PDE4D: variants seen among roughly 807,000 people sequenced by gnomAD.
PDE4D encodes 3',5'-cyclic-AMP phosphodiesterase 4D.
Under a neutral mutation model 87.4 loss-of-function variants are expected in PDE4D, and 24 were observed. The observed-to-expected ratio is 0.27, with a 90% CI of 0.20 to 0.39. The LOEUF (loss-of-function observed/expected upper bound fraction) is 0.39. PDE4D is among the 10% of genes least tolerant of loss of function. The pLI is 1.00. For missense variants in PDE4D, 714 were observed against 1,041.0 expected (o/e 0.69, Z 4.32); for synonymous variants, 384 against 383.2 (o/e 1.00, Z -0.02).
At chr5:60,454,540 A>G (rs1746327532) in intron 1 of PDE4D, among the ~76,000 whole-genome samples, 1 of 152,166 alleles carries the variant, frequency 6.6e-6, no homozygotes, top group South Asian at 2.1e-4. Context: ...TCAGCAAACT[A>G]ACACAGGAAC....
chr5:59,018,817 G>A (rs1754535610), intron 6 of PDE4D, among the ~76,000 whole-genome samples: 2 of 151,968 alleles, frequency 1.3e-5, no homozygotes, highest in Non-Finnish European at 2.9e-5. Context: ...GTACTCTCCT[G>A]GAATTACTTC....
intron 1 of PDE4D, among the ~76,000 whole-genome samples, chr5:60,207,584 T>C (rs1043007122): frequency 1.3e-5 from 2 of 152,238 alleles, no homozygotes; most frequent in Non-Finnish European, 2.9e-5. Context: ...AGAATTTCAG[T>C]TCAAATAGGA....
chr5:59,516,305 AT>A (rs908274779), intron 1 of PDE4D, among the ~76,000 whole-genome samples: 46 of 151,898 alleles, frequency 3.0e-4, no homozygotes, highest in Non-Finnish European at 5.9e-4. Context: ...CTTTCTCTGG[AT>A]TTTTTTTCCC....
chr5:59,624,620 C>T (rs1830693419), intron 1 of PDE4D, among the ~76,000 whole-genome samples: 1 of 152,194 alleles, frequency 6.6e-6, no homozygotes, highest in African/African-American at 2.4e-5. Flanking sequence ...TGGCCTCTGC[C>T]TTGTTATCCA....
At chr5:59,584,295 G>A (rs1398975024) in intron 1 of PDE4D, among the ~76,000 whole-genome samples, 1 of 152,124 alleles carries the variant, frequency 6.6e-6, no homozygotes, top group Non-Finnish European at 1.5e-5. Context: ...TAGGTCACCT[G>A]GAAAAAAACC....
chr5:59,062,217 A>T (rs1184079136), intron 5 of PDE4D, among the ~76,000 whole-genome samples: 1 of 152,162 alleles, frequency 6.6e-6, no homozygotes, highest in Non-Finnish European at 1.5e-5. Flanking sequence ...TAAGACATAT[A>T]ACCAAACATA....
At chr5:60,316,364 A>G (rs1302620565) in intron 1 of PDE4D, among the ~76,000 whole-genome samples, 1 of 152,162 alleles carries the variant, frequency 6.6e-6, no homozygotes, top group African/African-American at 2.4e-5. Flanking sequence ...GAAGTTGCCT[A>G]TCAGCTTAAG....
At chr5:60,376,819 G>A (rs141308823) in intron 1 of PDE4D, among the ~76,000 whole-genome samples, 3 of 152,212 alleles carry the variant, frequency 2.0e-5, no homozygotes, top group Non-Finnish European at 2.9e-5. Context: ...TTTCTCTTCC[G>A]CCTCTTTGTT....
At chr5:60,025,562 A>G (rs1766538127) in intron 2 of PDE4D, among the ~76,000 whole-genome samples, 1 of 152,142 alleles carries the variant, frequency 6.6e-6, no homozygotes, top group Admixed American at 6.5e-5. Flanking sequence ...AGAAAATTTT[A>G]CAATATACCA....
At chr5:59,491,191 A>AACATCTCATT (rs2153660264) in intron 1 of PDE4D, among the ~76,000 whole-genome samples, 1 of 152,306 alleles carries the variant, frequency 6.6e-6, no homozygotes, top group African/African-American at 2.4e-5. Context: ...CTATGTTTAA[A>AACATCTCATT]ACATCTCATT....
chr5:59,198,376 A>G (rs925041011), intron 2 of PDE4D, among the ~76,000 whole-genome samples: 5 of 151,744 alleles, frequency 3.3e-5, no homozygotes, highest in African/African-American at 1.2e-4. Flanking sequence ...TGTATGTGAG[A>G]GATGAGATTG....
chr5:59,578,196 G>A (rs1171047009), intron 1 of PDE4D, among the ~76,000 whole-genome samples: 1 of 152,092 alleles, frequency 6.6e-6, no homozygotes, highest in Non-Finnish European at 1.5e-5. Flanking sequence ...ACATCTTAAA[G>A]CTTCTGTTTG....
intron 1 of PDE4D, among the ~76,000 whole-genome samples, chr5:59,477,735 A>G (rs1803543772): frequency 6.6e-6 from 1 of 152,110 alleles, no homozygotes; most frequent in African/African-American, 2.4e-5. Flanking sequence ...TCCACCAAAA[A>G]GACACATGCA....
intron 1 of PDE4D, chr5:59,430,369 C>G (rs533126739): frequency 8.1e-7 from 1 of 1,231,382 alleles, no homozygotes; most frequent in African/African-American, 1.6e-5. Context: ...GCTTCGGAAT[C>G]TAGCCACCTT....
chr5:60,266,528 C>G lies in PDE4D; in HGVS notation c.-89-80841G>C, dbSNP rs577602230. Among the ~76,000 whole-genome samples, 24 of 152,284 alleles carry G rather than the reference C, an allele frequency of 1.6e-4. No individual in the cohort carries two copies. In the South Asian group the frequency reaches 3.9e-3, roughly 25 times the overall value. ...CAGCTTCTCCAGGCTGCTGCTGCTT[C>G]ACCCTTGGGCAGTCTGTGCCTGAGA... On this transcript the variant is annotated intron_variant, in intron 1 of 16. Transcript: ENST00000502484.
chr5:60,063,110 G>A, intron 2 of PDE4D, among the ~76,000 whole-genome samples: 1 of 106,178 alleles, frequency 9.4e-6, no homozygotes, highest in Non-Finnish European at 2.0e-5. Flanking sequence ...AAGAAAGAAA[G>A]AAAGAAAGAA....
At chr5:60,095,058 T>C (rs1248544898) in intron 2 of PDE4D, among the ~76,000 whole-genome samples, 1 of 152,200 alleles carries the variant, frequency 6.6e-6, no homozygotes, top group Non-Finnish European at 1.5e-5. Context: ...TTTATTTACT[T>C]ACTTATTATA....
chr5:59,289,234 CT>C (rs1278950595), intron 1 of PDE4D, among the ~76,000 whole-genome samples: 14 of 152,070 alleles, frequency 9.2e-5, no homozygotes, highest in Admixed American at 4.6e-4. Context: ...TTGGTTTTCC[CT>C]TTGCTTGTTA....
Position 59,319,693 on chromosome 5 carries a change from T to A in PDE4D, c.456-103725A>T, listed in dbSNP as rs188739970. ...CCTATAACTACTATGCATGATATAG[T>A]TATGTCTTTTGGATTAACTATATAT... On this transcript the variant is annotated intron_variant, in intron 1 of 14. Coordinates refer to ENST00000340635, the MANE Select transcript of PDE4D (RefSeq NM_001104631.2). Among the ~76,000 whole-genome samples, 3 of 152,296 alleles carry A rather than the reference T, an allele frequency of 2.0e-5. No homozygotes were observed. In the East Asian group the frequency reaches 5.8e-4, roughly 29 times the overall value.
Sources: allele counts gnomAD v4.1 joint callset (sites outside exome capture counted in the v4.1 genomes callset), GRCh38; gene constraint gnomAD v4.1.1; transcripts MANE v1.5; gene names NCBI Gene and HGNC (gene_info 2026-07-23, HGNC 2026-07-21).